Variants in C11orf54 observed in about 807,000 individuals in gnomAD.
The protein encoded by C11orf54 is beta-keto L-gulonate decarboxylase.
Under a neutral mutation model 35.5 loss-of-function variants are expected in C11orf54, and 29 were observed. That is an observed-to-expected ratio of 0.82 (90% CI 0.61 to 1.11). The LOEUF is 1.11. Ranked by LOEUF, C11orf54 falls within the 50% of genes most tolerant of loss-of-function variation. C11orf54 has a pLI of 0.00. For missense variants in C11orf54, 373 were observed against 369.2 expected, an observed-to-expected ratio of 1.01 and a Z score of -0.08; for synonymous variants, 108 against 121.1, an observed-to-expected ratio of 0.89 and a Z score of 0.71.
intron 1 of C11orf54, among the ~76,000 whole-genome samples, chr11:93,743,632 G>A (rs914818974): frequency 6.6e-6 from 1 of 152,202 alleles, no homozygotes; most frequent in Non-Finnish European, 1.5e-5. Flanking sequence ...CAGGCCCTGC[G>A]GCTGTGTCTA....
At chr11:93,747,265 T>C (rs1305383282) in intron 1 of C11orf54, 32 bp from the exon 2 acceptor site, 1 of 588,450 alleles carries the variant, frequency 1.7e-6, no homozygotes, top group Non-Finnish European at 2.8e-6. Context: ...TTGTTCTGTT[T>C]ATATGTTTGA....
At chr11:93,745,204 CTT>C (rs1469818642) in intron 1 of C11orf54, among the ~76,000 whole-genome samples, 1 of 152,184 alleles carries the variant, frequency 6.6e-6, no homozygotes, top group Non-Finnish European at 1.5e-5. Flanking sequence ...AGGCCTTCCT[CTT>C]TTACTAATCC....
At chr11:93,742,085 C>T (rs562417226) in intron 1 of C11orf54, 1 of 153,838 alleles carries the variant, frequency 6.5e-6, no homozygotes, top group East Asian at 1.9e-4. Flanking sequence ...CCCACTTTTG[C>T]ACCTGTTTCG....
chr11:93,764,374 T>C lies in C11orf54; in HGVS notation c.*2686T>C, dbSNP rs1032027304. 2 of 152,212 alleles carry C rather than the reference T, an allele frequency of 1.3e-5. No homozygotes were observed. Among genetic ancestry groups the C allele is most frequent in the African/African-American group, 2.4e-5 (1 of 41,426 alleles). The allele number at this position is 152,212 out of a possible 1,614,324, so 9.4% of individuals were successfully genotyped here. A position where few individuals can be genotyped will look rare whatever the true frequency, so the allele number is the denominator to read the frequency against. ...TTAGTGTCCTCCAAAATGGGGTGCA[T>C]GGACAGCAGGTACACATGACCTTCC... On this transcript the variant is annotated 3_prime_UTR_variant, in exon 9 of 9. Transcript: ENST00000354421.
rs370730146 is a variant in C11orf54 at position 93,761,673 on chromosome 11, A to G, written c.933A>G (p.Ser311=). The change falls in exon 9 of 9, where the codon TCA becomes TCG. Residue 311 remains serine, a synonymous_variant. Coordinates refer to ENST00000354421, the MANE Select transcript of C11orf54 (RefSeq NM_001286069.2). ...YRIDQPKETH[S]IGRD Reference sequence around the variant, plus strand: ...TTGATCAACCAAAAGAGACGCATTCAATTGGGCGAGATTAAATCAGCTGAT... The same window carrying G: ...TTGATCAACCAAAAGAGACGCATTCGATTGGGCGAGATTAAATCAGCTGAT... The G allele has an allele frequency of 1.3e-5, 21 of 1,598,840 alleles. No homozygotes were observed. The African/African-American group carries it at 2.3e-4, about 17-fold the overall frequency.
chr11:93,748,634 A>C (rs1942617659), intron 2 of C11orf54, among the ~76,000 whole-genome samples: 1 of 151,980 alleles, frequency 6.6e-6, no homozygotes, highest in African/African-American at 2.4e-5. Flanking sequence ...TCAGGAGTTC[A>C]AGACCAGCCT....
chr11:93,748,498 GT>G (rs1459809852), intron 2 of C11orf54, among the ~76,000 whole-genome samples: 1 of 151,932 alleles, frequency 6.6e-6, no homozygotes, highest in Non-Finnish European at 1.5e-5. Flanking sequence ...TTTTGTGTTT[GT>G]TTCTATTTTC....
chr11:93,757,348 A>T lies in C11orf54; in HGVS notation c.540A>T (p.Gly180=). Residue 180 remains glycine (G), a synonymous_variant, in exon 7 of 9, where the codon GGA becomes GGT. Coordinates refer to ENST00000354421, the MANE Select transcript of C11orf54 (RefSeq NM_001286069.2). ...VIEVKAKRRT[G]PLNFVTCMRE... is the part of the protein sequence containing the mutation. ...AGGTGAAAGCCAAAAGAAGAACTGG[A>T]CCACTTAACTTTGTGACTTGTATGA... The T allele has an allele frequency of 1.3e-6, 2 of 1,598,314 alleles. No individual in the cohort carries two copies. The highest frequency in any genetic ancestry group is 1.7e-6 in the Non-Finnish European group (2 of 1,179,796).
chr11:93,755,758 A>AT (rs1202719972), intron 6 of C11orf54, among the ~76,000 whole-genome samples: 2 of 151,728 alleles, frequency 1.3e-5, no homozygotes, highest in Non-Finnish European at 2.9e-5. Context: ...GTCTCAAAAA[A>AT]AAAAAAAAAA....
At chr11:93,754,070 T>C in intron 5 of C11orf54, 33 bp downstream of exon 5, 1 of 1,568,618 alleles carries the variant, frequency 6.4e-7, no homozygotes, top group Non-Finnish European at 8.7e-7. Context: ...TTTTACTTTA[T>C]TGGTTTGACA....
At chr11:93,743,427 A>T (rs1942262293) in intron 1 of C11orf54, among the ~76,000 whole-genome samples, 2 of 152,112 alleles carry the variant, frequency 1.3e-5, no homozygotes, top group South Asian at 2.1e-4. Flanking sequence ...TGCCTCACTT[A>T]CTTAGCCCAC....
chr11:93,758,425 C>T (rs926197787), intron 7 of C11orf54, among the ~76,000 whole-genome samples: 6 of 152,220 alleles, frequency 3.9e-5, no homozygotes, highest in Non-Finnish European at 7.3e-5. Context: ...AGGCAGGAGC[C>T]CTGCCTTCTC....
In C11orf54 at chr11:93,755,203, T is replaced by G. The variant is rs753867854; in HGVS notation, c.331-7T>G. Reference sequence around the variant, plus strand: ...AAGATTGACTAATTGCCTCACTTTCTTTTCAGTTTATGCCAGTTATTCAGA... The same window carrying G: ...AAGATTGACTAATTGCCTCACTTTCGTTTCAGTTTATGCCAGTTATTCAGA... On this transcript the variant is annotated splice_region_variant and splice_polypyrimidine_tract_variant and intron_variant, in intron 5 of 8. Coordinates refer to ENST00000354421, the MANE Select transcript of C11orf54 (RefSeq NM_001286069.2). 1.5e-5 allele frequency: 24 copies of G among 1,612,984 alleles called. No homozygotes were observed. The South Asian group carries it at 2.6e-4, about 18-fold the overall frequency.
rs1555024268 is a variant in C11orf54 at position 93,753,662 on chromosome 11, G to GT, written c.155-14dup. The GT allele has an allele frequency of 8.7e-6, 14 of 1,611,874 alleles. No individual in the cohort carries two copies. Among genetic ancestry groups the GT allele is most frequent in the Non-Finnish European group, 1.2e-5 (14 of 1,178,976 alleles). On this transcript the variant is annotated intron_variant, in intron 3 of 8. Coordinates refer to ENST00000354421, the MANE Select transcript of C11orf54 (RefSeq NM_001286069.2). ...TGTTTTTAAGGTGGCTTGTGTTTTTGTTTTTTGGTTTTTTCTTAGGCATCT... is the reference window on the plus strand; with the variant it reads ...TGTTTTTAAGGTGGCTTGTGTTTTTGTTTTTTTGGTTTTTTCTTAGGCATCT...
At chr11:93,755,145 CAT>C in intron 5 of C11orf54, 63 bp from the exon 6 acceptor site, 1 of 1,476,350 alleles carries the variant, frequency 6.8e-7, no homozygotes. Context: ...TGTTTTGTAA[CAT>C]TATTCAAGAT....
intron 1 of C11orf54, among the ~76,000 whole-genome samples, chr11:93,745,156 A>G (rs1942388483): frequency 6.6e-6 from 1 of 152,198 alleles, no homozygotes; most frequent in African/African-American, 2.4e-5. Flanking sequence ...TCGGCTTTAC[A>G]CGGAGACATT....
chr11:93,757,258 T>C (rs1943203622), intron 6 of C11orf54, 58 bp from the exon 7 acceptor site: 4 of 1,522,746 alleles, frequency 2.6e-6, no homozygotes, highest in African/African-American at 1.4e-5. Context: ...TATAATGTTT[T>C]ATTTCAGTAG....
chr11:93,758,314 GT>G (rs1432073727), intron 7 of C11orf54, among the ~76,000 whole-genome samples: 2 of 152,216 alleles, frequency 1.3e-5, no homozygotes, highest in Non-Finnish European at 2.9e-5. Flanking sequence ...TGGCATCCCT[GT>G]GCTCTCCCAG....
chr11:93,756,357 G>T (rs1348332883), intron 6 of C11orf54, among the ~76,000 whole-genome samples: 1 of 150,612 alleles, frequency 6.6e-6, no homozygotes, highest in African/African-American at 2.4e-5. Flanking sequence ...GCCAGGTGTG[G>T]TGGTACATGC....
Sources: allele counts gnomAD v4.1 joint callset (sites outside exome capture counted in the v4.1 genomes callset), GRCh38; gene constraint gnomAD v4.1.1; transcripts MANE v1.5; gene names NCBI Gene and HGNC (gene_info 2026-07-23, HGNC 2026-07-21).